Variants in JAKMIP3 observed in about 807,000 individuals in gnomAD.
The protein encoded by JAKMIP3 is janus kinase and microtubule-interacting protein 3.
Under a neutral mutation model 118.5 loss-of-function variants are expected in JAKMIP3, and 58 were observed. The observed-to-expected ratio is 0.49, with a 90% CI of 0.40 to 0.61. The LOEUF (loss-of-function observed/expected upper bound fraction) is 0.61. Among genes scored for constraint, JAKMIP3 ranks in the 20% least tolerant of loss-of-function variants. The pLI, the probability that JAKMIP3 is intolerant of heterozygous loss-of-function variation, is 0.00. For synonymous variants in JAKMIP3, 486 were observed against 451.2 expected (o/e 1.08, Z -0.98); for missense variants, 950 against 1,109.0 (o/e 0.86, Z 2.04).
At chr10:132,159,636 ATGCTG>A (rs2057694803) in intron 19 of JAKMIP3, among the ~76,000 whole-genome samples, 1 of 38,902 alleles carries the variant, frequency 2.6e-5, no homozygotes, top group Admixed American at 4.2e-4. Context: ...TTCCTTTGTG[ATGCTG>A]GGGGGCCTCT....
chr10:132,055,656 C>T (rs965551740), intron 1 of JAKMIP3, among the ~76,000 whole-genome samples: 2 of 152,174 alleles, frequency 1.3e-5, no homozygotes, highest in Non-Finnish European at 2.9e-5. Flanking sequence ...TAATTAATGC[C>T]TGCTCTCACT....
In JAKMIP3 at chr10:132,180,646, C is replaced by CGCGTGT. The variant is rs1554963054; in HGVS notation, c.*1104-1710_*1104-1709insCGTGTG. Among the ~76,000 whole-genome samples, 3 of 8,314 alleles carry CGCGTGT rather than the reference C, an allele frequency of 3.6e-4. 1 individual carries two copies. Among genetic ancestry groups the CGCGTGT allele is most frequent in the African/African-American group, 1.8e-3 (3 of 1,632 alleles). The allele number at this position is 8,314 out of a possible 152,430, so 5.5% of individuals were successfully genotyped here. ...GTGTGCGTGTGTGCGTGCGTGTGTG[C>CGCGTGT]GTGTGCGTGTGCGTGTGTGCGTGTG... On this transcript the variant is annotated intron_variant, in intron 23 of 23. Transcript: ENST00000684848.
intron 9 of JAKMIP3, among the ~76,000 whole-genome samples, chr10:132,139,440 ATG>A (rs891331512): frequency 3.0e-5 from 3 of 98,994 alleles, no homozygotes; most frequent in African/African-American, 4.1e-5. Flanking sequence ...TTGTGTGTAC[ATG>A]TGAGTGTATA....
chr10:132,162,324 A>G (rs1376249901), intron 19 of JAKMIP3, among the ~76,000 whole-genome samples: 1 of 152,046 alleles, frequency 6.6e-6, no homozygotes, highest in East Asian at 1.9e-4. Context: ...CCTGATGAGC[A>G]CCTCCCACCA....
chr10:132,102,023 G>A (rs1053736615), intron 1 of JAKMIP3, among the ~76,000 whole-genome samples: 5 of 152,068 alleles, frequency 3.3e-5, no homozygotes, highest in African/African-American at 7.2e-5. Flanking sequence ...ACTAAAAGTC[G>A]CTCAAGTGTC....
chr10:132,042,482 C>T (rs1453424305), intron 1 of JAKMIP3, among the ~76,000 whole-genome samples: 1 of 152,098 alleles, frequency 6.6e-6, no homozygotes, highest in Non-Finnish European at 1.5e-5. Context: ...TGTTGGGATT[C>T]CAGGCGTGAG....
At chr10:132,061,515 T>C (rs2038398373), upstream of JAKMIP3, among the ~76,000 whole-genome samples, 1 of 152,350 alleles carries the variant, frequency 6.6e-6, no homozygotes, top group Non-Finnish European at 1.5e-5. Context: ...AACCAGTTTT[T>C]ATTGAGCTTG....
chr10:132,108,960 G>A lies in JAKMIP3; in HGVS notation c.135+4017G>A, dbSNP rs145127518. Among the ~76,000 whole-genome samples, 977 of 145,206 alleles carry A rather than the reference G, an allele frequency of 6.7e-3. 3 individuals carry two copies. The highest frequency in any genetic ancestry group is 0.032 in the East Asian group (150 of 4,720). Reference sequence around the variant, plus strand: ...GTATATATAAATTATATACGCAAATGTATATATAAATTATATACGCAAATG... The same window carrying A: ...GTATATATAAATTATATACGCAAATATATATATAAATTATATACGCAAATG... On this transcript the variant is annotated intron_variant, in intron 2 of 23. Coordinates refer to ENST00000684848, the MANE Select transcript of JAKMIP3 (RefSeq NM_001323087.2).
chr10:132,156,250 T>G (rs1463646580), intron 19 of JAKMIP3, among the ~76,000 whole-genome samples: 1 of 152,188 alleles, frequency 6.6e-6, no homozygotes, highest in Non-Finnish European at 1.5e-5. Flanking sequence ...TCTTGGCCTC[T>G]GCTCTCCAGC....
At chr10:132,087,679 A>G (rs535611030) in intron 1 of JAKMIP3, among the ~76,000 whole-genome samples, 13 of 150,128 alleles carry the variant, frequency 8.7e-5, no homozygotes, top group Non-Finnish European at 1.6e-4. Flanking sequence ...TTGCATTTCC[A>G]TAAGTGTGTC....
intron 13 of JAKMIP3, 35 bp from the exon 14 acceptor site, chr10:132,147,917 C>A: frequency 6.9e-7 from 1 of 1,454,538 alleles, no homozygotes; most frequent in South Asian, 1.2e-5. Context: ...GAGAGAGAAC[C>A]AGACCCCTCA....
At chr10:132,147,913 G>C (rs1024030617) in intron 13 of JAKMIP3, 39 bp from the exon 14 acceptor site, 1 of 1,431,188 alleles carries the variant, frequency 7.0e-7, no homozygotes, top group Non-Finnish European at 9.7e-7. Flanking sequence ...TGGTGAGAGA[G>C]AACCAGACCC....
chr10:132,054,994 G>A lies in JAKMIP3; in HGVS notation c.-138+18256G>A, dbSNP rs376224973. Among the ~76,000 whole-genome samples the A allele has an allele frequency of 9.2e-5, 14 of 151,910 alleles. 1 individual carries two copies. The East Asian group carries it at 2.2e-3, about 24-fold the overall frequency. ...ACCGAGGACCCTCCGCTTGGGGATA[G>A]TGAGAGTCCTGCCCTCCTACACCGA... On this transcript the variant is annotated intron_variant, in intron 1 of 23. Coordinates refer to the JAKMIP3 transcript ENST00000657785.
chr10:132,090,835 G>A (rs1017585064), intron 1 of JAKMIP3, among the ~76,000 whole-genome samples: 5 of 150,116 alleles, frequency 3.3e-5, no homozygotes, highest in Admixed American at 1.3e-4. Flanking sequence ...TTTTCTTGTG[G>A]GCATTTAGTG....
chr10:132,137,463 C>T (rs182050105), intron 8 of JAKMIP3, among the ~76,000 whole-genome samples, 174 bp downstream of exon 8: 18 of 152,338 alleles, frequency 1.2e-4, no homozygotes, highest in Non-Finnish European at 2.1e-4. Context: ...GGGTGGCTGA[C>T]GCCCTTCAGT....
At chr10:132,125,297 C>A (rs777911786) in intron 3 of JAKMIP3, among the ~76,000 whole-genome samples, 2 of 152,218 alleles carry the variant, frequency 1.3e-5, no homozygotes, top group African/African-American at 2.4e-5. Flanking sequence ...GTGTGGATAT[C>A]CAACTATTTC....
chr10:132,164,337 G>A (rs986438248), intron 20 of JAKMIP3, among the ~76,000 whole-genome samples: 1 of 152,216 alleles, frequency 6.6e-6, no homozygotes, highest in Admixed American at 6.5e-5. Flanking sequence ...GCGACCCTCT[G>A]GCGGCCCCTT....
At position 132,140,343 on chromosome 10, in the gene JAKMIP3, G is replaced by A. The variant is rs998696199; in HGVS notation, c.1345-108G>A. ...CCAGGGACAGAGATGGGAGTGTGTC[G>A]CAGGGTGGGGCTGCGGCCCCCACCG... On this transcript the variant is annotated intron_variant, in intron 9 of 23. Transcript: ENST00000684848. 3.6e-5 allele frequency: 53 copies of A among 1,475,412 alleles called. 1 individual carries two copies. In the Admixed American group the frequency reaches 5.2e-4, roughly 14 times the overall value. The allele number at this position is 1,475,412 out of a possible 1,614,324, so 91.4% of individuals were successfully genotyped here. A position where few individuals can be genotyped will look rare whatever the true frequency, so the allele number is the denominator to read the frequency against.
rs150154129 is a variant in JAKMIP3 at position 132,163,360 on chromosome 10, G to T, written c.2372G>T (p.Arg791Leu). 6 of 1,608,836 alleles carry T rather than the reference G, an allele frequency of 3.7e-6. No individual in the cohort carries two copies. The East Asian group carries it at 8.9e-5, about 24-fold the overall frequency. ...KRQVMSELRE[R>L]DAQILRERME... ...CAGGTCATGAGTGAGCTGCGCGAGC[G>T]GGACGCCCAGATCCTGCGGGAGCGC... Residue 791 changes from arginine to leucine, a missense_variant, in exon 20 of 24, where the codon CGG (arginine) becomes CTG (leucine). Coordinates refer to ENST00000684848, the MANE Select transcript of JAKMIP3 (RefSeq NM_001323087.2).
Sources: gnomAD v4.1 joint callset for allele counts (sites outside exome capture counted in the v4.1 genomes callset) on GRCh38, gnomAD v4.1.1 for gene constraint, MANE v1.5 for transcripts, NCBI Gene and HGNC (gene_info 2026-07-23, HGNC 2026-07-21) for gene names.